TNS1: variants seen among roughly 807,000 people sequenced by gnomAD.
The protein encoded by TNS1 is tensin 1.
TNS1 carries 62 observed loss-of-function variants against 168.6 expected under a neutral mutation model. The ratio of observed to expected loss-of-function variants is 0.37; its 90% CI spans 0.30 to 0.45. The LOEUF is 0.45. TNS1 is among the 20% of genes least tolerant of loss of function. The pLI, the probability that TNS1 is intolerant of heterozygous loss-of-function variation, is 1.00. For missense variants in TNS1, 2,240 were observed against 2,339.4 expected (o/e 0.96, Z 0.88); for synonymous variants, 934 against 933.2 (o/e 1.00, Z -0.02).
At chr2:217,932,282 TG>T (rs1956364243) in intron 3 of TNS1, among the ~76,000 whole-genome samples, 1 of 152,206 alleles carries the variant, frequency 6.6e-6, no homozygotes, top group Non-Finnish European at 1.5e-5. Flanking sequence ...GAGTCAGGCA[TG>T]GGCTCAAATG....
chr2:217,856,305 C>T (rs1038768180), intron 18 of TNS1, among the ~76,000 whole-genome samples: 2 of 152,164 alleles, frequency 1.3e-5, no homozygotes, highest in Admixed American at 6.5e-5. Context: ...CAGAGGGCCC[C>T]GTGGAGAACC....
chr2:217,834,733 A>C (rs1266988438), intron 21 of TNS1, among the ~76,000 whole-genome samples: 1 of 152,206 alleles, frequency 6.6e-6, no homozygotes, highest in Admixed American at 6.5e-5. Flanking sequence ...AACAAAGTCA[A>C]AGTCAAGTCA....
At chr2:217,970,844 G>C (rs765955983) in intron 3 of TNS1, among the ~76,000 whole-genome samples, 2 of 151,944 alleles carry the variant, frequency 1.3e-5, no homozygotes, top group Non-Finnish European at 2.9e-5. Context: ...AAAAATCATT[G>C]AATTGTACAC....
intron 32 of TNS1, among the ~76,000 whole-genome samples, chr2:217,805,618 CAT>C (rs1320396972): frequency 1.2e-3 from 70 of 58,086 alleles, no homozygotes; most frequent in South Asian, 1.7e-3. Context: ...ACACCACACA[CAT>C]ACACACCATC....
At chr2:217,893,749 A>G (rs976979118) in intron 9 of TNS1, among the ~76,000 whole-genome samples, 188 bp from the exon 10 acceptor site, 1 of 152,252 alleles carries the variant, frequency 6.6e-6, no homozygotes, top group Non-Finnish European at 1.5e-5. Flanking sequence ...AAGGCCATGC[A>G]TGACCCAGTA....
rs1381044028 is a variant in TNS1 at position 217,818,152 on chromosome 2, T to C, written c.4180A>G (p.Asn1394Asp). 4 of 1,613,896 alleles carry C rather than the reference T, an allele frequency of 2.5e-6. No individual in the cohort carries two copies. Among genetic ancestry groups the C allele is most frequent in the Non-Finnish European group, 3.4e-6 (4 of 1,179,996 alleles). Reference protein sequence around the residue: ...QGNLASGLHSNAIASPGSPSL... With the variant: ...QGNLASGLHSDAIASPGSPSL... ...GGGCTTCCAGGGCTGGCTATTGCAT[T>C]GCTATGAAGACCGGAGGCCAGGTTG... Residue 1394 changes from asparagine (N) to aspartate (D), a missense_variant, in exon 24 of 33, where the codon AAT becomes GAT. Physicochemically the swap from Asn to Asp is conservative, Grantham distance 23 (BLOSUM62 1). This residue lies in a region of TNS1 where 2,131 missense variants were observed against 2,171.2 expected (regional missense o/e 0.98). Transcript: ENST00000682258.
At chr2:217,853,878 C>T (rs1398345029) in intron 18 of TNS1, among the ~76,000 whole-genome samples, 1 of 152,202 alleles carries the variant, frequency 6.6e-6, no homozygotes, top group African/African-American at 2.4e-5. Context: ...GCGGCACTAG[C>T]CATGCAGCTC....
chr2:217,859,386 A>C lies in TNS1; in HGVS notation c.1430-10299T>G, dbSNP rs1290482192. On this transcript the variant is annotated intron_variant, in intron 18 of 32. Coordinates refer to ENST00000682258, the MANE Select transcript of TNS1 (RefSeq NM_001387777.1). ...TCTCCCCCTTTCCCCTCCACAGGGC[A>C]GAGTCCAGGAGCCAGAACACTTCCT... 7 of 451,204 alleles carry C rather than the reference A, an allele frequency of 1.6e-5. No individual in the cohort carries two copies. In the East Asian group the frequency reaches 1.9e-4, roughly 12 times the overall value. The allele number at this position is 451,204 out of a possible 1,614,324, so 28.0% of individuals were successfully genotyped here.
chr2:217,914,902 A>C (rs1036790041), intron 4 of TNS1, among the ~76,000 whole-genome samples: 1 of 152,226 alleles, frequency 6.6e-6, no homozygotes, highest in Non-Finnish European at 1.5e-5. Flanking sequence ...ATGGAAAATG[A>C]ATCCATTTGT....
At chr2:218,026,727 C>T (rs1958852070) in intron 1 of TNS1, among the ~76,000 whole-genome samples, 1 of 152,252 alleles carries the variant, frequency 6.6e-6, no homozygotes, top group Non-Finnish European at 1.5e-5. Context: ...CTTTGCAGCA[C>T]CCAGATCAGG....
In TNS1 at chr2:218,002,985, C is replaced by A. The variant is rs13382750; in HGVS notation, c.-113G>T. On this transcript the variant is annotated 5_prime_UTR_variant, in exon 1 of 33. Coordinates refer to ENST00000682258, the MANE Select transcript of TNS1 (RefSeq NM_001387777.1). ...TCTGAGTCCGCGGCTGCTCCGGCTC[C>A]GCCAGCATCTGCTGGGCCTCTCGCC... 11,794 of 453,446 alleles carry A rather than the reference C, an allele frequency of 0.026. 194 individuals are homozygous for A. The highest frequency in any genetic ancestry group is 0.054 in the African/African-American group (2,680 of 50,046). The allele number at this position is 453,446 out of a possible 1,614,324, so 28.1% of individuals were successfully genotyped here.
chr2:217,967,859 C>T (rs531027327), intron 3 of TNS1, among the ~76,000 whole-genome samples: 9 of 152,082 alleles, frequency 5.9e-5, no homozygotes, highest in South Asian at 4.2e-4. Flanking sequence ...AGAAAACTAC[C>T]GTCCAATATC....
At chr2:217,861,720 T>A (rs1948799164) in intron 18 of TNS1, among the ~76,000 whole-genome samples, 1 of 152,202 alleles carries the variant, frequency 6.6e-6, no homozygotes, top group Non-Finnish European at 1.5e-5. Context: ...TGTATCTCAG[T>A]AAGTAGTGCA....
chr2:218,008,635 ACTGGAACAGAAGCCTG>A (rs1480243037), intron 1 of TNS1, among the ~76,000 whole-genome samples: 2 of 152,244 alleles, frequency 1.3e-5, no homozygotes, highest in Non-Finnish European at 1.5e-5. Context: ...ACCTTGGGTA[ACTGGAACAGAAGCCTG>A]CTGGCACCTT....
chr2:217,966,268 C>CGTGTGGGT, intron 3 of TNS1, among the ~76,000 whole-genome samples: 1 of 140,744 alleles, frequency 7.1e-6, no homozygotes, highest in South Asian at 2.4e-4. Flanking sequence ...GAGCAGGCTG[C>CGTGTGGGT]GTGTGTGTGT....
intron 10 of TNS1, 53 bp downstream of exon 10, chr2:217,893,386 G>A (rs112299077): frequency 1.6e-5 from 24 of 1,519,972 alleles, no homozygotes; most frequent in African/African-American, 4.5e-5. Flanking sequence ...ACACATGTGC[G>A]CATGTGCGCG....
chr2:217,884,911 C>T, intron 16 of TNS1, 124 bp downstream of exon 16: 1 of 1,263,814 alleles, frequency 7.9e-7, no homozygotes, highest in Non-Finnish European at 1.1e-6. Context: ...CCTACCATCA[C>T]CCTGAGACTA....
chr2:217,830,861 G>A (rs1363901932), intron 22 of TNS1, among the ~76,000 whole-genome samples: 2 of 152,190 alleles, frequency 1.3e-5, no homozygotes, highest in African/African-American at 4.8e-5. Flanking sequence ...TCGAGGAAAC[G>A]GCAGGCAATG....
At position 217,885,084 on chromosome 2, in the gene TNS1, A is replaced by G; in HGVS notation, c.1197T>C (p.His399=). 1 of 1,614,258 alleles carries G rather than the reference A, an allele frequency of 6.2e-7. No individual in the cohort carries two copies. Among genetic ancestry groups the G allele is most frequent in the South Asian group, 1.1e-5 (1 of 91,086 alleles). ...CCTTCCCAAAGACAACCCCCAGGTC[A>G]TGGATGGCACAGGTGTGGAACTGCA... ...FRVQFHTCAI[H]DLGVVFGKED... is the part of the protein sequence containing the mutation. The change falls in exon 16 of 33, where the codon CAT becomes CAC. Residue 399 remains histidine (H), a synonymous_variant. Transcript: ENST00000682258.
Sources: allele counts gnomAD v4.1 joint callset (sites outside exome capture counted in the v4.1 genomes callset), GRCh38; gene constraint gnomAD v4.1.1; regional missense constraint gnomAD v4.1.1; transcripts MANE v1.5; gene names NCBI Gene and HGNC (gene_info 2026-07-23, HGNC 2026-07-21).